Variants in SMYD3 observed in about 807,000 individuals in gnomAD.
SMYD3 encodes histone-lysine N-methyltransferase SMYD3.
SMYD3 carries 36 observed loss-of-function variants against 57.7 expected under a neutral mutation model. That is an observed-to-expected ratio of 0.62 (90% confidence interval 0.48 to 0.82). The LOEUF is 0.82. Ranked by LOEUF, SMYD3 falls within the 40% of genes least tolerant of loss-of-function variation. The pLI, the probability that SMYD3 is intolerant of heterozygous loss-of-function variation, is 0.00. For missense variants in SMYD3, 515 were observed against 538.8 expected, an observed-to-expected ratio of 0.96 and a Z score of 0.44; for synonymous variants, 211 against 195.0, an observed-to-expected ratio of 1.08 and a Z score of -0.68.
intron 10 of SMYD3, among the ~76,000 whole-genome samples, chr1:245,837,868 T>C (rs375905964): frequency 6.6e-6 from 1 of 152,164 alleles, no homozygotes; most frequent in Admixed American, 6.5e-5. Flanking sequence ...TATACTTCAC[T>C]GAAAGGTTGA....
intron 2 of SMYD3, among the ~76,000 whole-genome samples, chr1:246,354,823 C>A (rs986376965): frequency 3.3e-5 from 5 of 152,140 alleles, no homozygotes; most frequent in Non-Finnish European, 7.3e-5. Context: ...CATATACACA[C>A]ACACACCCAA....
intron 1 of SMYD3, among the ~76,000 whole-genome samples, chr1:246,391,232 A>C (rs1373973280): frequency 6.6e-6 from 1 of 151,466 alleles, no homozygotes; most frequent in Non-Finnish European, 1.5e-5. Context: ...AAAAAAAAAA[A>C]AAAAAGGCAC....
chr1:246,065,608 C>A (rs1345863383), intron 5 of SMYD3, among the ~76,000 whole-genome samples: 1 of 152,130 alleles, frequency 6.6e-6, no homozygotes, highest in Admixed American at 6.5e-5. Context: ...GTTTCATCAC[C>A]TATAAACGTA....
At chr1:246,058,418 T>G (rs1202745063) in intron 5 of SMYD3, among the ~76,000 whole-genome samples, 1 of 152,216 alleles carries the variant, frequency 6.6e-6, no homozygotes, top group African/African-American at 2.4e-5. Context: ...AAAATCATCT[T>G]TTTAAAAAAC....
At chr1:246,027,462 G>A (rs1341409837) in intron 5 of SMYD3, among the ~76,000 whole-genome samples, 1 of 152,190 alleles carries the variant, frequency 6.6e-6, no homozygotes, top group Non-Finnish European at 1.5e-5. Flanking sequence ...ACTTTAAGTT[G>A]AAGCAAATGT....
chr1:245,784,580 A>C (rs1392935766), intron 10 of SMYD3, among the ~76,000 whole-genome samples: 1 of 152,160 alleles, frequency 6.6e-6, no homozygotes, highest in Non-Finnish European at 1.5e-5. Flanking sequence ...CCAAAAAATG[A>C]ACTCAAGCAG....
At chr1:246,463,661 C>CAAAAAAAAAAAAA (rs35482116) in intron 1 of SMYD3, among the ~76,000 whole-genome samples, 22 of 73,112 alleles carry the variant, frequency 3.0e-4, no homozygotes, top group African/African-American at 6.2e-4. Flanking sequence ...ACTAAAAATA[C>CAAAAAAAAAAAAA]AAAAAAAAAA....
intron 5 of SMYD3, among the ~76,000 whole-genome samples, chr1:246,320,898 A>G (rs1254114711): frequency 6.6e-6 from 1 of 152,248 alleles, no homozygotes; most frequent in Non-Finnish European, 1.5e-5. Flanking sequence ...GAACATGACA[A>G]CTGAAGCACG....
chr1:246,424,526 C>T (rs1227447305), intron 1 of SMYD3, among the ~76,000 whole-genome samples: 1 of 152,144 alleles, frequency 6.6e-6, no homozygotes, highest in Non-Finnish European at 1.5e-5. Flanking sequence ...GGGAATAAAG[C>T]TGAAAACCAA....
At chr1:245,939,380 C>G (rs1349341460) in intron 5 of SMYD3, among the ~76,000 whole-genome samples, 5 of 152,124 alleles carry the variant, frequency 3.3e-5, no homozygotes, top group Non-Finnish European at 5.9e-5. Flanking sequence ...AATCCCAACA[C>G]TTTGGGAGGC....
intron 1 of SMYD3, among the ~76,000 whole-genome samples, chr1:246,489,543 GAAA>G (rs1292286755): frequency 6.6e-6 from 1 of 152,174 alleles, no homozygotes; most frequent in Non-Finnish European, 1.5e-5. Flanking sequence ...AAAAAGGACA[GAAA>G]GGAAATTTGC....
At chr1:246,016,395 C>A (rs1289611051) in intron 5 of SMYD3, among the ~76,000 whole-genome samples, 1 of 151,940 alleles carries the variant, frequency 6.6e-6, no homozygotes, top group East Asian at 1.9e-4. Context: ...CCAGCTTGGT[C>A]AACGTGGTGA....
At chr1:245,943,797 C>T (rs2057340718) in intron 5 of SMYD3, among the ~76,000 whole-genome samples, 1 of 152,156 alleles carries the variant, frequency 6.6e-6, no homozygotes, top group Admixed American at 6.5e-5. Context: ...ATCAAGTAGG[C>T]TCCATCCCAG....
intron 1 of SMYD3, among the ~76,000 whole-genome samples, chr1:246,482,136 C>T (rs756435930): frequency 3.3e-5 from 5 of 151,990 alleles, no homozygotes; most frequent in South Asian, 2.1e-4. Context: ...CCAGCCTGGG[C>T]AACAGAGCGA....
chr1:246,295,971 C>T (rs1342253272), intron 5 of SMYD3, among the ~76,000 whole-genome samples: 1 of 152,188 alleles, frequency 6.6e-6, no homozygotes, highest in Non-Finnish European at 1.5e-5. Context: ...TTTTGTTCTG[C>T]TGTTGTATGT....
intron 5 of SMYD3, among the ~76,000 whole-genome samples, chr1:245,956,949 GA>G (rs2057862726): frequency 6.6e-6 from 1 of 152,140 alleles, no homozygotes; most frequent in African/African-American, 2.4e-5. Flanking sequence ...CAAACCCCTG[GA>G]AAACTGATCA....
intron 5 of SMYD3, among the ~76,000 whole-genome samples, chr1:245,965,716 C>T (rs1231764753): frequency 6.6e-6 from 1 of 152,008 alleles, no homozygotes; most frequent in Admixed American, 6.6e-5. Flanking sequence ...TCAATGGTGG[C>T]CAGAGATGAG....
chr1:245,992,325 G>T (rs549857931), intron 5 of SMYD3, among the ~76,000 whole-genome samples: 13 of 152,298 alleles, frequency 8.5e-5, no homozygotes, highest in African/African-American at 2.9e-4. Flanking sequence ...ATATTCTATT[G>T]GTCACACACA....
intron 1 of SMYD3, among the ~76,000 whole-genome samples, chr1:246,392,104 T>C (rs2066582159): frequency 6.6e-6 from 1 of 152,182 alleles, no homozygotes; most frequent in Non-Finnish European, 1.5e-5. Flanking sequence ...CAGACTTTCA[T>C]CCTTTTTTTT....
Sources: allele counts gnomAD v4.1 joint callset (sites outside exome capture counted in the v4.1 genomes callset), GRCh38; gene constraint gnomAD v4.1.1; transcripts MANE v1.5; gene names NCBI Gene and HGNC (gene_info 2026-07-23, HGNC 2026-07-21).